Variants in NIBAN2 observed in about 807,000 individuals in gnomAD.
NIBAN2 encodes the protein protein Niban 2.
A neutral mutation model predicts 81.8 loss-of-function variants in NIBAN2; 36 were observed. The observed-to-expected ratio is 0.44, with a 90% CI of 0.34 to 0.58. NIBAN2 has a LOEUF of 0.58. Among genes scored for constraint, NIBAN2 ranks in the 20% least tolerant of loss-of-function variants. The probability of loss-of-function intolerance (pLI) is 0.02; values close to 1 mark genes in which losing one functional copy is unlikely to be tolerated. For missense variants in NIBAN2, 897 were observed against 1,014.1 expected (o/e 0.88, Z 1.57); for synonymous variants, 445 against 441.6 (o/e 1.01, Z -0.10).
chr9:127,539,518 G>C (rs1055458698), intron 1 of NIBAN2, among the ~76,000 whole-genome samples: 2 of 152,186 alleles, frequency 1.3e-5, no homozygotes, highest in African/African-American at 4.8e-5. Context: ...GCCCCTGTCG[G>C]GTCGGAGCTG....
intron 3 of NIBAN2, among the ~76,000 whole-genome samples, chr9:127,526,542 C>A (rs1450430689): frequency 1.3e-5 from 2 of 152,154 alleles, no homozygotes; most frequent in Non-Finnish European, 2.9e-5. Flanking sequence ...AACCACTACT[C>A]TGGGGCACGA....
intron 1 of NIBAN2, among the ~76,000 whole-genome samples, chr9:127,577,787 C>A (rs573284970): frequency 6.6e-6 from 1 of 152,234 alleles, no homozygotes; most frequent in South Asian, 2.1e-4. Flanking sequence ...TTGATCATGG[C>A]TTGCTGCAGC....
chr9:127,524,606 G>C (rs1035971329), intron 4 of NIBAN2, among the ~76,000 whole-genome samples: 3 of 152,092 alleles, frequency 2.0e-5, no homozygotes, highest in Non-Finnish European at 4.4e-5. Flanking sequence ...AATGCCGCTC[G>C]AATCCAGGAA....
chr9:127,555,622 C>T (rs547944585), intron 1 of NIBAN2, among the ~76,000 whole-genome samples: 3 of 152,308 alleles, frequency 2.0e-5, no homozygotes, highest in South Asian at 4.1e-4. Context: ...AGATGGGTGA[C>T]GAGATCCTGA....
Position 127,507,900 on chromosome 9 carries a change from C to A in NIBAN2, c.1621G>T (p.Val541Leu). ...ILVENTYEEV[V>L]LQTVMKDILQ... ...ATGTCCTTCATGACGGTCTGCAGCA[C>A]CACCTCCTCGTACGTGTTTTCCACC... Residue 541 changes from valine to leucine, a missense_variant, in exon 13 of 14, where the codon GTG becomes TTG. This residue lies in a region of NIBAN2 where 619 missense variants were observed against 691.0 expected (regional missense o/e 0.90). Transcript: ENST00000373312. This position sits in a 1 kb window ranked among gnomAD's most constrained non-coding sequence, Gnocchi z 6.8. 1 of 1,614,198 alleles carries A rather than the reference C, an allele frequency of 6.2e-7. No individual in the cohort carries two copies.
At chr9:127,534,151 G>A (rs973846407) in intron 1 of NIBAN2, among the ~76,000 whole-genome samples, 12 of 152,220 alleles carry the variant, frequency 7.9e-5, no homozygotes, top group African/African-American at 2.4e-5. Context: ...TCTGAGCCTC[G>A]GTTTCCCCCA....
At chr9:127,535,201 C>G (rs377217924) in intron 1 of NIBAN2, among the ~76,000 whole-genome samples, 8 of 152,334 alleles carry the variant, frequency 5.3e-5, no homozygotes, top group African/African-American at 1.9e-4. Flanking sequence ...CTGGAGTCTG[C>G]CACCCTGGCC....
chr9:127,531,700 C>A lies in NIBAN2; in HGVS notation c.134G>T (p.Arg45Leu). Residue 45 changes from arginine (R) to leucine (L), a missense_variant, in exon 2 of 14, where the codon CGC (arginine) becomes CTC (leucine). Arg to Leu is a moderately radical substitution (Grantham distance 102). Transcript: ENST00000373312. ...CAGCCCCGTGCCCTCAATCTCATGGCGCATGCTGTTGAAGAGAGCCACGCC... is the reference window on the plus strand; with the variant it reads ...CAGCCCCGTGCCCTCAATCTCATGGAGCATGCTGTTGAAGAGAGCCACGCC... ...QYGVALFNSMRHEIEGTGLPQ... is the reference protein window; with the variant it reads ...QYGVALFNSMLHEIEGTGLPQ... 6.2e-7 allele frequency: 1 copy of A among 1,614,104 alleles called. No individual in the cohort carries two copies. The highest frequency in any genetic ancestry group is 8.5e-7 in the Non-Finnish European group (1 of 1,180,048).
intron 1 of NIBAN2, among the ~76,000 whole-genome samples, chr9:127,556,713 C>T (rs1304261303): frequency 6.6e-6 from 1 of 152,170 alleles, no homozygotes; most frequent in African/African-American, 2.4e-5. Context: ...TGTGAGGCCA[C>T]CTGTCCACCT....
chr9:127,569,382 T>C (rs1837919087), upstream of NIBAN2, among the ~76,000 whole-genome samples: 1 of 151,546 alleles, frequency 6.6e-6, no homozygotes, highest in Non-Finnish European at 1.5e-5. Context: ...GCGGAGAGAC[T>C]GCGAAGAGCG....
At chr9:127,511,497 C>T in intron 8 of NIBAN2, among the ~76,000 whole-genome samples, 1 of 144,448 alleles carries the variant, frequency 6.9e-6, no homozygotes, top group South Asian at 2.6e-4. Context: ...CGTACCTGGC[C>T]AATATTATTT....
intron 5 of NIBAN2, among the ~76,000 whole-genome samples, chr9:127,522,614 G>A (rs887087439): frequency 1.3e-5 from 2 of 151,844 alleles, no homozygotes; most frequent in Non-Finnish European, 2.9e-5. Flanking sequence ...CCCCCTCCCT[G>A]CTTCAGGGCC....
chr9:127,526,398 CAA>C (rs71495649), intron 3 of NIBAN2, among the ~76,000 whole-genome samples: 2 of 92,582 alleles, frequency 2.2e-5, no homozygotes, highest in Non-Finnish European at 2.0e-5. Context: ...GACTTCATCT[CAA>C]AAAAAAAAAA....
chr9:127,547,218 C>T (rs1047492446), intron 1 of NIBAN2, among the ~76,000 whole-genome samples: 8 of 152,148 alleles, frequency 5.3e-5, no homozygotes, highest in Non-Finnish European at 1.0e-4. Context: ...CCTCTGTTTC[C>T]TCAGCTGTAA....
intron 3 of NIBAN2, among the ~76,000 whole-genome samples, chr9:127,526,621 C>G (rs902241794): frequency 6.6e-6 from 1 of 152,166 alleles, no homozygotes; most frequent in Non-Finnish European, 1.5e-5. Context: ...GCCTGTCCTT[C>G]TGGCTGCTCT....
intron 1 of NIBAN2, among the ~76,000 whole-genome samples, chr9:127,532,128 C>A (rs566414871): frequency 6.6e-6 from 1 of 152,338 alleles, no homozygotes; most frequent in East Asian, 1.9e-4. Context: ...GGAATGGGGA[C>A]AGCCATTTCG....
chr9:127,512,350 A>G (rs1329216236), intron 8 of NIBAN2, among the ~76,000 whole-genome samples: 1 of 147,162 alleles, frequency 6.8e-6, no homozygotes, highest in Non-Finnish European at 1.5e-5. Context: ...TAGTGGCTCG[A>G]TCTCGGCTCA....
At chr9:127,524,614 G>A (rs1837026352) in intron 4 of NIBAN2, among the ~76,000 whole-genome samples, 1 of 152,182 alleles carries the variant, frequency 6.6e-6, no homozygotes. Context: ...TCGAATCCAG[G>A]AATGCCCAGG....
intron 1 of NIBAN2, among the ~76,000 whole-genome samples, chr9:127,553,668 C>T (rs1004300981): frequency 6.6e-6 from 1 of 152,214 alleles, no homozygotes. Flanking sequence ...TCTGGCCACC[C>T]AAGTTCTATG....
Sources: allele counts gnomAD v4.1 joint callset (sites outside exome capture counted in the v4.1 genomes callset), GRCh38; gene constraint gnomAD v4.1.1; regional missense constraint gnomAD v4.1.1; non-coding constraint Gnocchi (gnomAD v3.1); transcripts MANE v1.5; gene names NCBI Gene and HGNC (gene_info 2026-07-23, HGNC 2026-07-21).